DNAH5: variants seen among roughly 807,000 people sequenced by gnomAD.
The protein encoded by DNAH5 is axonemal beta dynein heavy chain 5.
In DNAH5, 372 loss-of-function variants were observed where a neutral mutation model predicts 518.2. That is an observed-to-expected ratio of 0.72 (90% CI 0.66 to 0.78). The LOEUF is 0.78. Ranked by LOEUF, DNAH5 falls within the 30% of genes least tolerant of loss-of-function variation. DNAH5 has a pLI of 0.00. For missense variants in DNAH5, 5,523 were observed against 5,687.0 expected, an observed-to-expected ratio of 0.97 and a Z score of 0.93; for synonymous variants, 2,039 against 2,025.9, an observed-to-expected ratio of 1.01 and a Z score of -0.17.
intron 2 of DNAH5, among the ~76,000 whole-genome samples, chr5:13,929,105 G>A (rs1053235502): frequency 1.2e-4 from 18 of 152,158 alleles, no homozygotes; most frequent in African/African-American, 3.9e-4. Context: ...CAGATAAAGC[G>A]ATAAACAAAA....
chr5:13,955,763 A>C (rs932913011), intron 1 of DNAH5, among the ~76,000 whole-genome samples: 9 of 152,214 alleles, frequency 5.9e-5, no homozygotes, highest in Admixed American at 5.9e-4. Flanking sequence ...AAATCACAAA[A>C]GTTTGTCCTA....
intron 1 of DNAH5, among the ~76,000 whole-genome samples, chr5:13,988,246 T>G (rs541149441): frequency 6.6e-6 from 1 of 152,180 alleles, no homozygotes; most frequent in African/African-American, 2.4e-5. Context: ...GTTGTTTAAG[T>G]TGCCCATCAC....
intron 31 of DNAH5, among the ~76,000 whole-genome samples, chr5:13,845,853 C>T: frequency 8.5e-6 from 1 of 117,708 alleles, no homozygotes; most frequent in East Asian, 2.8e-4. Context: ...TTTTTTTAGA[C>T]AGAGTCTCAG....
At chr5:13,801,900 T>C (rs1758813898) in intron 47 of DNAH5, among the ~76,000 whole-genome samples, 1 of 152,146 alleles carries the variant, frequency 6.6e-6, no homozygotes, top group Non-Finnish European at 1.5e-5. Flanking sequence ...TAGGCTGGCT[T>C]ACAGTATTCC....
At chr5:13,975,453 G>C (rs750682137) in intron 1 of DNAH5, among the ~76,000 whole-genome samples, 2 of 152,142 alleles carry the variant, frequency 1.3e-5, no homozygotes, top group African/African-American at 4.8e-5. Flanking sequence ...CCATAGCTCT[G>C]TGCCAGGATT....
intron 78 of DNAH5, among the ~76,000 whole-genome samples, chr5:13,693,614 C>T (rs533293975): frequency 2.0e-5 from 3 of 152,298 alleles, no homozygotes; most frequent in East Asian, 1.9e-4. Context: ...TTAACACAGC[C>T]GTAGGCTTGC....
intron 21 of DNAH5, among the ~76,000 whole-genome samples, chr5:13,880,902 C>A (rs1396462832): frequency 6.6e-6 from 1 of 151,690 alleles, no homozygotes; most frequent in African/African-American, 2.4e-5. Flanking sequence ...AACTAAAAGA[C>A]CACAAAAAAA....
At chr5:13,752,972 C>T (rs1415281270) in intron 63 of DNAH5, among the ~76,000 whole-genome samples, 2 of 152,174 alleles carry the variant, frequency 1.3e-5, no homozygotes, top group East Asian at 3.8e-4. Context: ...CCGTTCTGTA[C>T]TTATCAAAGA....
Position 13,762,712 on chromosome 5 carries a change from G to T in DNAH5, c.10281+10C>A. ...AGCCACCTTCACCCAGGTCTGCCTA[G>T]CAGGCTTACCTTCAGAGGCAGTACT... On this transcript the variant is annotated intron_variant, in intron 60 of 78. Coordinates refer to ENST00000265104, the MANE Select transcript of DNAH5 (RefSeq NM_001369.3). The T allele has an allele frequency of 6.2e-7, 1 of 1,613,358 alleles. No individual in the cohort carries two copies. Among genetic ancestry groups the T allele is most frequent in the Middle Eastern group, 1.7e-4 (1 of 6,060 alleles).
At chr5:13,705,719 A>T (rs967632900) in intron 76 of DNAH5, among the ~76,000 whole-genome samples, 1 of 152,230 alleles carries the variant, frequency 6.6e-6, no homozygotes, top group African/African-American at 2.4e-5. Context: ...TGAAGGCATA[A>T]GCGTGACCCT....
intron 38 of DNAH5, among the ~76,000 whole-genome samples, chr5:13,826,555 C>G (rs1762915735): frequency 6.6e-6 from 1 of 152,204 alleles, no homozygotes; most frequent in African/African-American, 2.4e-5. Flanking sequence ...CCTCTTCACT[C>G]AGCACTTCTC....
At chr5:14,007,158 G>C (rs1481522415) in intron 1 of DNAH5, among the ~76,000 whole-genome samples, 2 of 152,156 alleles carry the variant, frequency 1.3e-5, no homozygotes, top group African/African-American at 2.4e-5. Flanking sequence ...TCTTCCTTTG[G>C]GGAACATTGC....
Position 13,701,313 on chromosome 5 carries a change from G to C in DNAH5, c.13462C>G (p.Pro4488Ala), listed in dbSNP as rs113425437. 1 of 1,613,834 alleles carries C rather than the reference G, an allele frequency of 6.2e-7. No individual in the cohort carries two copies. Among genetic ancestry groups the C allele is most frequent in the Admixed American group, 1.7e-5 (1 of 59,984 alleles). ...CGCATTGCAGTTAAAAATCCCTGGG[G>C]GTTAAAAAAACCCGTCATCCAAAAG... ...HCFWMTGFFN[P>A]QGFLTAMRQE... Residue 4488 changes from proline to alanine, a missense_variant, in exon 77 of 79, where the codon CCC (proline) becomes GCC (alanine). By Grantham distance (27) the Pro-to-Ala change is conservative. This residue lies in a region of DNAH5 where 387 missense variants were observed against 430.0 expected (regional missense o/e 0.90). Coordinates refer to ENST00000265104, the MANE Select transcript of DNAH5 (RefSeq NM_001369.3).
At chr5:13,878,035 G>A (rs1192525601) in intron 21 of DNAH5, among the ~76,000 whole-genome samples, 2 of 152,140 alleles carry the variant, frequency 1.3e-5, no homozygotes, top group Admixed American at 1.3e-4. Flanking sequence ...GGGAGCAGAC[G>A]GGACTGGCAT....
upstream of DNAH5, among the ~76,000 whole-genome samples, chr5:13,947,536 C>G (rs1237373603): frequency 6.6e-6 from 1 of 152,158 alleles, no homozygotes; most frequent in African/African-American, 2.4e-5. Flanking sequence ...CATTTTTTAT[C>G]TGCAAAAGAG....
chr5:13,870,824 C>T lies in DNAH5; in HGVS notation c.3777G>A (p.Ala1259=), dbSNP rs144893234. 1.1e-4 allele frequency: 174 copies of T among 1,613,834 alleles called. No homozygotes were observed. In the African/African-American group the frequency reaches 1.9e-3, roughly 18 times the overall value. Residue 1259 remains alanine, a synonymous_variant, in exon 24 of 79, where the codon GCG becomes GCA. Coordinates refer to ENST00000265104, the MANE Select transcript of DNAH5 (RefSeq NM_001369.3). ...DLDDIRIAMA[A]LKEIREEQIS... is the part of the protein sequence containing the mutation. ...TTTGCTCCTCCCTTATTTCTTTCAG[C>T]GCTGCCATTGCAATCCGAATATCAT...
chr5:13,715,076 G>C (rs956796298), intron 74 of DNAH5, among the ~76,000 whole-genome samples: 1 of 152,100 alleles, frequency 6.6e-6, no homozygotes, highest in Non-Finnish European at 1.5e-5. Flanking sequence ...TACCCACCCA[G>C]GGAAAAATAC....
At chr5:13,946,618 C>A (rs1214874580), upstream of DNAH5, among the ~76,000 whole-genome samples, 1 of 152,238 alleles carries the variant, frequency 6.6e-6, no homozygotes, top group Non-Finnish European at 1.5e-5. Context: ...AGAGCTTCAG[C>A]TGGCAGGGCT....
At chr5:13,818,325 A>T (rs551644838) in intron 41 of DNAH5, among the ~76,000 whole-genome samples, 1 of 152,344 alleles carries the variant, frequency 6.6e-6, no homozygotes, top group South Asian at 2.1e-4. Flanking sequence ...TGGGCAGGGC[A>T]TGGTGGCTCA....
Sources: gnomAD v4.1 joint callset for allele counts (sites outside exome capture counted in the v4.1 genomes callset) on GRCh38, gnomAD v4.1.1 for gene constraint, gnomAD v4.1.1 regional missense constraint, MANE v1.5 for transcripts, NCBI Gene and HGNC (gene_info 2026-07-23, HGNC 2026-07-21) for gene names.